DPYD: variants seen among roughly 807,000 people sequenced by gnomAD.
DPYD encodes the protein dihydropyrimidine dehydrogenase.
DPYD carries 109 observed loss-of-function variants against 116.2 expected under a neutral mutation model. The ratio of observed to expected loss-of-function variants is 0.94; its 90% confidence interval spans 0.80 to 1.10. DPYD has a LOEUF of 1.10. Among genes scored for constraint, DPYD ranks in the 50% least tolerant of loss-of-function variants. The probability of loss-of-function intolerance (pLI) is 0.00; values close to 1 mark genes in which losing one functional copy is unlikely to be tolerated. For missense variants in DPYD, 1,302 were observed against 1,254.5 expected (o/e 1.04, Z -0.57); for synonymous variants, 440 against 432.0 (o/e 1.02, Z -0.23).
intron 3 of DPYD, among the ~76,000 whole-genome samples, chr1:97,769,702 T>G (rs1018575094): frequency 1.3e-5 from 2 of 152,192 alleles, no homozygotes; most frequent in East Asian, 3.8e-4. Context: ...ATTCTACCTG[T>G]GAAAACAGCT....
At chr1:97,308,812 T>C (rs558145994) in intron 16 of DPYD, among the ~76,000 whole-genome samples, 28 of 152,022 alleles carry the variant, frequency 1.8e-4, no homozygotes, top group African/African-American at 6.0e-4. Flanking sequence ...CAATTTCTAA[T>C]TCTTCCCAAA....
intron 12 of DPYD, chr1:97,546,174 G>T: frequency 6.8e-7 from 1 of 1,463,210 alleles, no homozygotes; most frequent in South Asian, 1.1e-5. Context: ...GCCAGCAGAA[G>T]ATGGGCAGGG....
At chr1:97,373,677 C>T in intron 15 of DPYD, 33 bp from the exon 16 acceptor site, 2 of 1,589,340 alleles carry the variant, frequency 1.3e-6, no homozygotes, top group Non-Finnish European at 1.7e-6. Context: ...AAAGAAAAGG[C>T]AAAGCTTTAT....
At chr1:97,837,811 A>G (rs957959010) in intron 2 of DPYD, among the ~76,000 whole-genome samples, 1 of 152,168 alleles carries the variant, frequency 6.6e-6, no homozygotes, top group Non-Finnish European at 1.5e-5. Context: ...AAAAATATTA[A>G]TTAGGTAAAA....
chr1:97,803,033 T>C (rs1667919418), intron 3 of DPYD, among the ~76,000 whole-genome samples: 1 of 151,954 alleles, frequency 6.6e-6, no homozygotes, highest in Non-Finnish European at 1.5e-5. Flanking sequence ...AAAATGAACA[T>C]ATTCTCTCAA....
chr1:97,109,176 A>G (rs1329002191), intron 20 of DPYD, among the ~76,000 whole-genome samples: 2 of 152,150 alleles, frequency 1.3e-5, no homozygotes, highest in Admixed American at 1.3e-4. Flanking sequence ...AGCTGTTACT[A>G]TTTTGAAAAC....
In DPYD at chr1:97,211,872, G is replaced by A. The variant is rs187260965; in HGVS notation, c.2443-18624C>T. 2.0e-5 allele frequency among the ~76,000 whole-genome samples: 3 copies of A among 151,920 alleles called. No homozygotes were observed. The East Asian group carries it at 5.8e-4, about 29-fold the overall frequency. On this transcript the variant is annotated intron_variant, in intron 19 of 22. Transcript: ENST00000370192. ...AATAGTATACATATCTTAAATAAAG[G>A]TATTATGTCATTTTCCCGTAAGACT... is the stretch of plus-strand genomic sequence containing the variant.
Position 97,724,297 on chromosome 1 carries a change from GGGGGGGGGGGGTGTGTGTGTGTGTGT to G in DPYD, c.322-2652_322-2627del, listed in dbSNP as rs1311477327. Among the ~76,000 whole-genome samples the G allele has an allele frequency of 5.4e-4, 8 of 14,934 alleles. No homozygotes were observed. The East Asian group carries it at 0.01, about 19-fold the overall frequency. 9.8% of individuals were successfully genotyped at this position (14,934 alleles called of 152,430 possible). ...ACAGAAAGAATAGGATGTATGTGGG[GGGGGGGGGGGGTGTGTGTGTGTGTGT>G]GTGTGTGTGTGTGTGTGTGTGTGTG... On this transcript the variant is annotated intron_variant, in intron 4 of 22. Transcript: ENST00000370192.
chr1:97,187,911 A>C (rs1027063308), intron 20 of DPYD, among the ~76,000 whole-genome samples: 1 of 152,022 alleles, frequency 6.6e-6, no homozygotes, highest in Non-Finnish European at 1.5e-5. Flanking sequence ...TGGGTTCTTT[A>C]TTCTGTTCCA....
chr1:97,716,774 CAT>C (rs1662640602), intron 5 of DPYD, among the ~76,000 whole-genome samples: 1 of 152,010 alleles, frequency 6.6e-6, no homozygotes, highest in South Asian at 2.1e-4. Context: ...TCTTAGGAAA[CAT>C]AAAACATAGA....
chr1:97,360,808 T>C (rs1162168815), intron 16 of DPYD, among the ~76,000 whole-genome samples: 2 of 152,022 alleles, frequency 1.3e-5, no homozygotes, highest in Non-Finnish European at 1.5e-5. Flanking sequence ...TAAAGCAGTG[T>C]GTAGAGAGAA....
intron 20 of DPYD, among the ~76,000 whole-genome samples, chr1:97,130,931 C>A (rs375987391): frequency 5.8e-5 from 8 of 136,798 alleles, no homozygotes; most frequent in South Asian, 4.9e-4. Flanking sequence ...CTTTCTCTCT[C>A]TCTATCTATC....
intron 4 of DPYD, among the ~76,000 whole-genome samples, chr1:97,724,358 G>A (rs750722583): frequency 2.5e-5 from 3 of 120,246 alleles, no homozygotes; most frequent in Non-Finnish European, 3.5e-5. Context: ...GTGTGTGTGT[G>A]TGTGTGTATG....
At chr1:97,161,841 G>A (rs1398814852) in intron 20 of DPYD, among the ~76,000 whole-genome samples, 4 of 150,132 alleles carry the variant, frequency 2.7e-5, no homozygotes, top group East Asian at 2.0e-4. Flanking sequence ...TTGTCCTTGC[G>A]ATAGTTTACT....
chr1:97,099,646 AATAAAGTCC>A (rs1261670287), intron 20 of DPYD, among the ~76,000 whole-genome samples: 3 of 152,060 alleles, frequency 2.0e-5, no homozygotes, highest in Non-Finnish European at 4.4e-5. Context: ...TCTCCTGCAG[AATAAAGTCC>A]ATTTATCTAG....
chr1:97,282,948 T>C (rs1055125060), intron 18 of DPYD, among the ~76,000 whole-genome samples: 2 of 152,194 alleles, frequency 1.3e-5, no homozygotes, highest in Non-Finnish European at 2.9e-5. Flanking sequence ...CGCATTTTCT[T>C]TATTCAGTCC....
chr1:97,303,662 A>T (rs556239658), intron 18 of DPYD, among the ~76,000 whole-genome samples: 2 of 152,144 alleles, frequency 1.3e-5, no homozygotes, highest in East Asian at 3.9e-4. Flanking sequence ...AATTCTGTCA[A>T]TGTGGAGAAA....
chr1:97,590,244 T>A (rs1654415656), intron 10 of DPYD, among the ~76,000 whole-genome samples: 1 of 152,224 alleles, frequency 6.6e-6, no homozygotes, highest in Non-Finnish European at 1.5e-5. Flanking sequence ...CTTTGCATAA[T>A]CTAATCATAT....
At chr1:97,198,183 T>G (rs996799180) in intron 19 of DPYD, among the ~76,000 whole-genome samples, 7 of 152,016 alleles carry the variant, frequency 4.6e-5, no homozygotes, top group Non-Finnish European at 1.0e-4. Flanking sequence ...ATTGGCCAAA[T>G]TTTCGGGGGA....
Sources: gnomAD v4.1 joint callset for allele counts (sites outside exome capture counted in the v4.1 genomes callset) on GRCh38, gnomAD v4.1.1 for gene constraint, MANE v1.5 for transcripts, NCBI Gene and HGNC (gene_info 2026-07-23, HGNC 2026-07-21) for gene names.